IYD: variants seen among roughly 807,000 people sequenced by gnomAD.
The protein encoded by IYD is iodotyrosine deiodinase.
In IYD, 25 loss-of-function variants were observed where a neutral mutation model predicts 28.4. The ratio of observed to expected loss-of-function variants is 0.88; its 90% CI spans 0.64 to 1.23. The LOEUF is 1.23. Among genes scored for constraint, IYD ranks in the 50% most tolerant of loss-of-function variants. IYD has a pLI of 0.00. For missense variants in IYD, 352 were observed against 357.9 expected (o/e 0.98, Z 0.13); for synonymous variants, 140 against 130.8 (o/e 1.07, Z -0.48).
At chr6:150,384,761 G>A (rs151125372) in intron 1 of IYD, 5 of 152,326 alleles carry the variant, frequency 3.3e-5, no homozygotes, top group Admixed American at 3.3e-4. Context: ...ATATTGGAAT[G>A]TAGTATCTGG....
chr6:150,386,030 C>T (rs749822144), intron 1 of IYD, among the ~76,000 whole-genome samples: 3 of 151,852 alleles, frequency 2.0e-5, no homozygotes, highest in African/African-American at 7.2e-5. Flanking sequence ...TCTTGACAGA[C>T]GATTGCCAAT....
Position 150,389,494 on chromosome 6 carries a change from T to C in IYD, c.321T>C (p.Ser107=). Residue 107 remains serine, a synonymous_variant, in exon 2 of 5, where the codon AGT becomes AGC. Coordinates refer to ENST00000344419, the MANE Select transcript of IYD (RefSeq NM_203395.3). ...AGAGACGGTCAGTCAGGTTCATAAGTAATGAGCAAGTCCCAATGGAAGTCA... is the reference window on the plus strand; with the variant it reads ...AGAGACGGTCAGTCAGGTTCATAAGCAATGAGCAAGTCCCAATGGAAGTCA... The part of the protein sequence containing the change: ...LNKRRSVRFI[S]NEQVPMEVID... 6.2e-7 allele frequency: 1 copy of C among 1,614,110 alleles called. No homozygotes were observed. The highest frequency in any genetic ancestry group is 1.3e-5 in the African/African-American group (1 of 75,034).
Position 150,394,182 on chromosome 6 carries a change from G to A in IYD, c.614G>A (p.Gly205Asp). The change falls in exon 4 of 5, where the codon GGC becomes GAC. Residue 205 changes from glycine to aspartate, a missense_variant. Coordinates refer to ENST00000344419, the MANE Select transcript of IYD (RefSeq NM_203395.3). Reference protein sequence around the residue: ...FKQVHGFAANGKKKVHYYNEI... With the variant: ...FKQVHGFAANDKKKVHYYNEI... The stretch of plus-strand genomic sequence containing the variant: ...CAAGTACATGGTTTCGCCGCAAATG[G>A]CAAGAAAAAAGTCCACTACTACAAT... The A allele has an allele frequency of 6.2e-7, 1 of 1,614,128 alleles. No homozygotes were observed. Among genetic ancestry groups the A allele is most frequent in the Non-Finnish European group, 8.5e-7 (1 of 1,180,016 alleles).
At position 150,369,188 on chromosome 6, in the gene IYD, G is replaced by T; in HGVS notation, c.157G>T (p.Asp53Tyr). The change falls in exon 1 of 5, where the codon GAC (aspartate) becomes TAC (tyrosine). Residue 53 changes from aspartate to tyrosine, a missense_variant. By Grantham distance (160) the Asp-to-Tyr change is radical. Transcript: ENST00000344419. Reference protein sequence around the residue: ...WVDEDLKDSSDLHQAEEDADE... With the variant: ...WVDEDLKDSSYLHQAEEDADE... ...GGATGAAGACTTAAAAGACAGCAGT[G>T]ACCTGCACCAAGCAGAAGAAGGTAA... The T allele has an allele frequency of 6.2e-7, 1 of 1,613,340 alleles. No homozygotes were observed.
At chr6:150,377,450 C>T (rs913553606) in intron 1 of IYD, among the ~76,000 whole-genome samples, 5 of 152,186 alleles carry the variant, frequency 3.3e-5, no homozygotes, top group Admixed American at 6.5e-5. Flanking sequence ...GACCTTCTGC[C>T]CTGTGAAAGG....
intron 1 of IYD, among the ~76,000 whole-genome samples, chr6:150,386,882 T>C (rs1358088591): frequency 6.6e-6 from 1 of 152,158 alleles, no homozygotes; most frequent in Non-Finnish European, 1.5e-5. Context: ...ATAAACAACA[T>C]ACTTGGACTT....
rs1008451032 is a variant in IYD at position 150,405,025 on chromosome 6, A to C, written c.*6788A>C. On this transcript the variant is annotated 3_prime_UTR_variant, in exon 5 of 5. Transcript: ENST00000344419. ...TAGGTGCTCAATAAATATTCAGTAC[A>C]TATTGAATGTGTGCAGAAATATATC... 1 of 152,184 alleles carries C rather than the reference A, an allele frequency of 6.6e-6. No individual in the cohort carries two copies. Among genetic ancestry groups the C allele is most frequent in the Admixed American group, 6.5e-5 (1 of 15,290 alleles). 9.4% of individuals were successfully genotyped at this position (152,184 alleles called of 1,614,324 possible).
intron 4 of IYD, chr6:150,395,317 G>C: frequency 1.0e-6 from 1 of 969,186 alleles, no homozygotes; most frequent in Non-Finnish European, 1.5e-6. Flanking sequence ...AAAAAAGAGA[G>C]CTTCTTCACT....
In IYD at chr6:150,401,429, AT is replaced by A. The variant is rs1417559945; in HGVS notation, c.*3195del. On this transcript the variant is annotated 3_prime_UTR_variant, in exon 5 of 5. Transcript: ENST00000344419. ...AGCCCTTGGAAGGAACGTAAAATCC[AT>A]TTCAGCCTGCCGCCCCTTGGAATGG... 1 of 152,096 alleles carries A rather than the reference AT, an allele frequency of 6.6e-6. No individual in the cohort carries two copies. Among genetic ancestry groups the A allele is most frequent in the East Asian group, 1.9e-4 (1 of 5,178 alleles). 9.4% of individuals were successfully genotyped at this position (152,096 alleles called of 1,614,324 possible). A position where few individuals can be genotyped will look rare whatever the true frequency, so the allele number is the denominator to read the frequency against.
At chr6:150,385,710 T>G in intron 1 of IYD, among the ~76,000 whole-genome samples, 1 of 151,708 alleles carries the variant, frequency 6.6e-6, no homozygotes, top group African/African-American at 2.4e-5. Context: ...GGTCATTCCA[T>G]AAAATGAGTT....
chr6:150,381,291 G>A (rs1346743742), intron 1 of IYD, among the ~76,000 whole-genome samples: 1 of 152,178 alleles, frequency 6.6e-6, no homozygotes, highest in Non-Finnish European at 1.5e-5. Flanking sequence ...AGTTTCCACT[G>A]TATCTAGACT....
At chr6:150,371,448 C>A (rs1362266961) in intron 1 of IYD, among the ~76,000 whole-genome samples, 1 of 152,054 alleles carries the variant, frequency 6.6e-6, no homozygotes, top group South Asian at 2.1e-4. Flanking sequence ...CTCTGAGAGA[C>A]CAGAAAGAGT....
chr6:150,395,854 T>A, intron 4 of IYD: 1 of 587,776 alleles, frequency 1.7e-6, no homozygotes, highest in Non-Finnish European at 3.0e-6. Flanking sequence ...TGCTTTTACT[T>A]AGATGTTTGT....
At position 150,369,056 on chromosome 6, in the gene IYD, G is replaced by T. The variant is rs781074127; in HGVS notation, c.25G>T (p.Val9Leu). 6.2e-7 allele frequency: 1 copy of T among 1,613,900 alleles called. No homozygotes were observed. Among genetic ancestry groups the T allele is most frequent in the Non-Finnish European group, 8.5e-7 (1 of 1,179,968 alleles). The part of the protein sequence containing the change: MYFLTPIL[V>L]AILCILVVWI... Reference sequence around the variant, plus strand: ...CATGTATTTCCTGACTCCCATCTTGGTAGCCATTCTCTGCATTTTGGTTGT... The same window carrying T: ...CATGTATTTCCTGACTCCCATCTTGTTAGCCATTCTCTGCATTTTGGTTGT... The change falls in exon 1 of 5, where the codon GTA (valine) becomes TTA (leucine). Residue 9 changes from valine to leucine, a missense_variant. Val to Leu is a conservative substitution (Grantham distance 32). Transcript: ENST00000344419.
At chr6:150,395,606 A>C (rs1197264380) in intron 4 of IYD, 1 of 1,470,974 alleles carries the variant, frequency 6.8e-7, no homozygotes, top group African/African-American at 1.4e-5. Context: ...TTTGCCATTG[A>C]GTTTGCTGCC....
chr6:150,377,662 A>C (rs956269099), intron 1 of IYD, among the ~76,000 whole-genome samples: 2 of 152,242 alleles, frequency 1.3e-5, no homozygotes, highest in African/African-American at 4.8e-5. Context: ...CTGCCAAGTC[A>C]TGCATTTAGA....
intron 1 of IYD, chr6:150,370,395 A>G (rs1282948928): frequency 1.5e-6 from 1 of 679,128 alleles, no homozygotes; most frequent in African/African-American, 2.0e-5. Flanking sequence ...TTGTGTGTGC[A>G]TGCATGAATG....
intron 1 of IYD, chr6:150,384,740 C>A (rs940554999): frequency 1.3e-5 from 2 of 152,068 alleles, no homozygotes; most frequent in East Asian, 1.9e-4. Context: ...ATATAACGAA[C>A]AATTTTGAGA....
At position 150,404,562 on chromosome 6, in the gene IYD, A is replaced by G. The variant is rs1171333041; in HGVS notation, c.*6325A>G. ...TTGAAGTGCTAAAATAGAAAATTAA[A>G]TATGATAAATTACACAAGAAGTTTA... On this transcript the variant is annotated 3_prime_UTR_variant, in exon 5 of 5. Transcript: ENST00000344419. 1 of 152,240 alleles carries G rather than the reference A, an allele frequency of 6.6e-6. No individual in the cohort carries two copies. The highest frequency in any genetic ancestry group is 1.5e-5 in the Non-Finnish European group (1 of 68,040). The allele number at this position is 152,240 out of a possible 1,614,324, so 9.4% of individuals were successfully genotyped here.
Sources: allele counts gnomAD v4.1 joint callset (sites outside exome capture counted in the v4.1 genomes callset), GRCh38; gene constraint gnomAD v4.1.1; transcripts MANE v1.5; gene names NCBI Gene and HGNC (gene_info 2026-07-23, HGNC 2026-07-21).